PCDHA1: variants seen among roughly 807,000 people sequenced by gnomAD.
PCDHA1 encodes protocadherin alpha-1.
In PCDHA1, 42 loss-of-function variants were observed where a neutral mutation model predicts 61.3. The observed-to-expected ratio is 0.69, with a 90% CI of 0.54 to 0.89. The LOEUF (loss-of-function observed/expected upper bound fraction) is 0.89, where lower values mean the gene tolerates loss of function less well. PCDHA1 is among the 40% of genes least tolerant of loss of function. The pLI is 0.00. For synonymous variants in PCDHA1, 610 were observed against 553.8 expected, an observed-to-expected ratio of 1.10 and a Z score of -1.43; for missense variants, 1,256 against 1,235.3, an observed-to-expected ratio of 1.02 and a Z score of -0.25.
intron 1 of PCDHA1, among the ~76,000 whole-genome samples, chr5:140,889,361 T>C (rs1005398759): frequency 2.0e-5 from 3 of 152,106 alleles, no homozygotes; most frequent in Non-Finnish European, 4.4e-5. Context: ...GATTACTGAC[T>C]CAATTTTAAT....
intron 1 of PCDHA1, chr5:140,843,047 G>T (rs2150350980): frequency 1.9e-6 from 3 of 1,594,938 alleles, no homozygotes; most frequent in Non-Finnish European, 2.6e-6. Flanking sequence ...CACTGGTGGC[G>T]CAGCGAGCAA....
At chr5:140,845,285 A>G (rs1237210455) in intron 1 of PCDHA1, among the ~76,000 whole-genome samples, 1 of 149,314 alleles carries the variant, frequency 6.7e-6, no homozygotes, top group East Asian at 1.9e-4. Context: ...AATATTTCCT[A>G]TCCTGTCTAT....
intron 1 of PCDHA1, chr5:140,859,639 T>G (rs1419564799): frequency 6.3e-6 from 1 of 159,542 alleles, no homozygotes; most frequent in Non-Finnish European, 1.4e-5. Flanking sequence ...GAGATTGAAT[T>G]TGTTACTCAG....
Position 140,787,986 on chromosome 5 carries a change from C to A in PCDHA1, c.1696C>A (p.Leu566Met). The A allele has an allele frequency of 6.2e-7, 1 of 1,614,000 alleles. No individual in the cohort carries two copies. Among genetic ancestry groups the A allele is most frequent in the Non-Finnish European group, 8.5e-7 (1 of 1,179,906 alleles). Residue 566 changes from leucine (L) to methionine (M), a missense_variant, in exon 1 of 4, where the codon CTG (leucine) becomes ATG (methionine). Leu to Met is a conservative substitution (Grantham distance 15, BLOSUM62 2). Coordinates refer to ENST00000504120, the MANE Select transcript of PCDHA1 (RefSeq NM_018900.4). Reference sequence around the variant, plus strand: ...CGAGAACGACAACGCGCCGGCGCTGCTGGCGCCTCGAGTGGGTGGCACTAT... The same window carrying A: ...CGAGAACGACAACGCGCCGGCGCTGATGGCGCCTCGAGTGGGTGGCACTAT... ...LDENDNAPAL[L>M]APRVGGTIGA...
intron 1 of PCDHA1, chr5:140,841,708 C>T: frequency 6.2e-7 from 1 of 1,613,888 alleles, no homozygotes. Context: ...TTAATGACAA[C>T]CCGCCAGTGT....
intron 1 of PCDHA1, chr5:140,805,555 A>AG (rs1181654207): frequency 2.0e-6 from 2 of 976,730 alleles, no homozygotes; most frequent in Non-Finnish European, 1.2e-6. Flanking sequence ...TGGATATAGG[A>AG]GGCAAGGAAA....
intron 1 of PCDHA1, among the ~76,000 whole-genome samples, chr5:140,930,655 C>T (rs1554207993): frequency 6.6e-6 from 1 of 152,110 alleles, no homozygotes; most frequent in Non-Finnish European, 1.5e-5. Context: ...TGAAGCATTC[C>T]TTGTTTTACT....
chr5:140,955,696 A>G (rs373393526), intron 1 of PCDHA1, among the ~76,000 whole-genome samples: 6 of 152,184 alleles, frequency 3.9e-5, no homozygotes, highest in East Asian at 1.9e-4. Flanking sequence ...GATGAATGTC[A>G]ATGGAAGTTT....
At chr5:140,857,621 G>C (rs962164938) in intron 1 of PCDHA1, 3 of 1,596,644 alleles carry the variant, frequency 1.9e-6, no homozygotes, top group East Asian at 4.5e-5. Flanking sequence ...GCTGGACCAC[G>C]AGGAGCTGGA....
chr5:140,887,835 C>A (rs2061600577), intron 1 of PCDHA1, among the ~76,000 whole-genome samples: 1 of 152,106 alleles, frequency 6.6e-6, no homozygotes, highest in Admixed American at 6.6e-5. Context: ...TTTTGAATAT[C>A]TTTTATTGAC....
rs535720832 is a variant in PCDHA1 at position 140,876,757 on chromosome 5, G to A, written c.2394+88073G>A. On this transcript the variant is annotated intron_variant, in intron 1 of 3. Transcript: ENST00000504120. ...CTATGAGCTGGTGGTGACTGCGCGG[G>A]ATGGGGGCTCGCCTTCGCTGTGGGC... 85 of 1,614,274 alleles carry A rather than the reference G, an allele frequency of 5.3e-5. No individual in the cohort carries two copies. The South Asian group carries it at 8.8e-4, about 17-fold the overall frequency.
intron 1 of PCDHA1, chr5:140,864,345 G>A (rs2048432897): frequency 6.6e-6 from 1 of 152,130 alleles, no homozygotes; most frequent in Non-Finnish European, 1.5e-5. Flanking sequence ...TTTAAAACAT[G>A]TTTAAATGTT....
chr5:140,908,604 C>T (rs1011069667), intron 1 of PCDHA1, among the ~76,000 whole-genome samples: 10 of 152,114 alleles, frequency 6.6e-5, no homozygotes, highest in African/African-American at 2.2e-4. Flanking sequence ...GATGGAAGGG[C>T]CTTGCTCCAA....
At chr5:140,987,011 C>G (rs1266225593) in intron 3 of PCDHA1, among the ~76,000 whole-genome samples, 1 of 151,990 alleles carries the variant, frequency 6.6e-6, no homozygotes, top group African/African-American at 2.4e-5. Context: ...GTCATGAGTT[C>G]GAGACCAGCC....
At chr5:141,007,318 A>C (rs2098314985) in intron 3 of PCDHA1, among the ~76,000 whole-genome samples, 1 of 151,736 alleles carries the variant, frequency 6.6e-6, no homozygotes, top group South Asian at 2.1e-4. Flanking sequence ...TGGGAGGCTA[A>C]AGTGGACAGA....
At chr5:140,926,722 C>A in intron 1 of PCDHA1, 1 of 1,027,126 alleles carries the variant, frequency 9.7e-7, no homozygotes, top group East Asian at 3.0e-5. Flanking sequence ...CCCGGCAATG[C>A]CGGCGTTCGG....
intron 1 of PCDHA1, chr5:140,871,599 T>G: frequency 1.4e-6 from 2 of 1,447,906 alleles, no homozygotes; most frequent in Non-Finnish European, 1.8e-6. Flanking sequence ...GAATAACCAG[T>G]GTTTTGAATA....
rs1160767102 is a variant in PCDHA1, at chr5:140,964,322, A to G, written c.2395-14627A>G. On this transcript the variant is annotated intron_variant, in intron 1 of 3. Coordinates refer to ENST00000504120, the MANE Select transcript of PCDHA1 (RefSeq NM_018900.4). ...TACCTACAAGGCCTAAAACAGCATA[A>G]TGGACAACCTGGCAGGTGTCCTTGC... Among the ~76,000 whole-genome samples the G allele has an allele frequency of 2.0e-5, 3 of 152,346 alleles. No individual in the cohort carries two copies. The East Asian group carries it at 5.8e-4, about 29-fold the overall frequency.
intron 1 of PCDHA1, among the ~76,000 whole-genome samples, chr5:140,923,186 C>T (rs559668347): frequency 2.0e-5 from 3 of 152,206 alleles, no homozygotes; most frequent in African/African-American, 7.2e-5. Context: ...GATGCATCTA[C>T]TGCAGCAATT....
Sources: allele counts gnomAD v4.1 joint callset (sites outside exome capture counted in the v4.1 genomes callset), GRCh38; gene constraint gnomAD v4.1.1; transcripts MANE v1.5; gene names NCBI Gene and HGNC (gene_info 2026-07-23, HGNC 2026-07-21).